BPIFC: variants seen among roughly 807,000 people sequenced by gnomAD.
BPIFC encodes the protein BPI fold containing family C, also known as BPI fold-containing family C protein.
BPIFC carries 60 observed loss-of-function variants against 57.6 expected under a neutral mutation model. The ratio of observed to expected loss-of-function variants is 1.04; its 90% confidence interval spans 0.85 to 1.29. The LOEUF (loss-of-function observed/expected upper bound fraction) is 1.29. BPIFC is among the 50% of genes most tolerant of loss of function. The pLI is 0.00. For synonymous variants in BPIFC, 243 were observed against 224.5 expected (o/e 1.08, Z -0.74); for missense variants, 581 against 600.5 (o/e 0.97, Z 0.34).
intron 2 of BPIFC, among the ~76,000 whole-genome samples, chr22:32,457,990 T>C (rs77051848): frequency 6.6e-6 from 1 of 152,324 alleles, no homozygotes; most frequent in African/African-American, 2.4e-5. Context: ...GCTTCGGCCA[T>C]TGCTCCTTTC....
chr22:32,461,691 A>G (rs1935163111), intron 1 of BPIFC, 30 bp from the exon 2 acceptor site: 1 of 971,030 alleles, frequency 1.0e-6, no homozygotes, highest in Non-Finnish European at 1.2e-6. Context: ...GAGATGAACT[A>G]TGGGAGTGAG....
intron 8 of BPIFC, among the ~76,000 whole-genome samples, chr22:32,440,801 A>G (rs183255903): frequency 2.4e-4 from 37 of 152,128 alleles, no homozygotes; most frequent in African/African-American, 8.0e-4. Flanking sequence ...ATGCCTTACC[A>G]TCTTCATCAC....
intron 13 of BPIFC, 57 bp downstream of exon 13, chr22:32,431,290 G>A: frequency 7.1e-7 from 1 of 1,415,626 alleles, no homozygotes; most frequent in East Asian, 2.3e-5. Context: ...CTTTGTCTCT[G>A]ATCAGTTGAC....
At position 32,448,164 on chromosome 22, in the gene BPIFC, G is replaced by A. The variant is rs552083924; in HGVS notation, c.246-824C>T. ...GCTCACTGCAATCTCCGCCTCCTGG[G>A]TTCAAGGGATTCTCCTGCCTCAGCC... On this transcript the variant is annotated intron_variant, in intron 4 of 16. Coordinates refer to ENST00000300399, the MANE Select transcript of BPIFC (RefSeq NM_174932.3). Among the ~76,000 whole-genome samples, 431 of 151,928 alleles carry A rather than the reference G, an allele frequency of 2.8e-3. 4 individuals are homozygous for A. Among genetic ancestry groups the A allele is most frequent in the African/African-American group, 9.6e-3 (396 of 41,430 alleles).
intron 4 of BPIFC, among the ~76,000 whole-genome samples, chr22:32,448,332 C>T (rs1393918282): frequency 1.3e-5 from 2 of 152,094 alleles, no homozygotes; most frequent in Admixed American, 6.5e-5. Context: ...CTCGGCCTCC[C>T]AAAGTGCTGG....
At chr22:32,446,060 T>C (rs1301667686) in intron 5 of BPIFC, 64 bp from the exon 6 acceptor site, 1 of 1,574,230 alleles carries the variant, frequency 6.4e-7, no homozygotes, top group East Asian at 2.2e-5. Context: ...CTTGTTTCTC[T>C]GATTACCCAG....
chr22:32,453,330 A>T, intron 4 of BPIFC, 53 bp downstream of exon 4: 2 of 1,297,756 alleles, frequency 1.5e-6, no homozygotes, highest in Non-Finnish European at 2.1e-6. Flanking sequence ...GAATTCCTCC[A>T]CTGTTTCCTT....
intron 2 of BPIFC, among the ~76,000 whole-genome samples, chr22:32,460,470 G>T (rs949635296): frequency 3.3e-5 from 5 of 152,168 alleles, no homozygotes; most frequent in Non-Finnish European, 5.9e-5. Flanking sequence ...CTGTCTGTGG[G>T]TAAGTTCATC....
At chr22:32,424,664 T>C (rs1226532027) in intron 13 of BPIFC, among the ~76,000 whole-genome samples, 8 of 70,342 alleles carry the variant, frequency 1.1e-4, no homozygotes, top group South Asian at 5.3e-4. Context: ...TTCTTCTTCT[T>C]CTTCTTCTTC....
chr22:32,447,426 C>G, intron 4 of BPIFC, 86 bp from the exon 5 acceptor site: 1 of 1,492,626 alleles, frequency 6.7e-7, no homozygotes, highest in South Asian at 1.3e-5. Flanking sequence ...TTGCAGAGCT[C>G]TTACCATTGA....
rs920172297 is a variant in BPIFC at position 32,442,749 on chromosome 22, A to C, written c.595-18T>G. ...GGACAGAGCTGGCCACAAAGGAATA[A>C]AAAGAAAAAAGCAAGTTACCATGTT... On this transcript the variant is annotated intron_variant, in intron 7 of 16. Transcript: ENST00000300399. 6.2e-7 allele frequency: 1 copy of C among 1,610,998 alleles called. No individual in the cohort carries two copies. Among genetic ancestry groups the C allele is most frequent in the African/African-American group, 1.3e-5 (1 of 74,874 alleles).
At chr22:32,462,285 T>C (rs1935184746) in intron 1 of BPIFC, among the ~76,000 whole-genome samples, 1 of 151,960 alleles carries the variant, frequency 6.6e-6, no homozygotes. Flanking sequence ...CTGTACCTAT[T>C]AGACTGTGTG....
At position 32,424,684 on chromosome 22, in the gene BPIFC, TTCTTCTTCC is replaced by T. The variant is rs1354712858; in HGVS notation, c.1218-5289_1218-5281del. ...CTTCTTCTTCTTCTTCTTCTTCTTCTTCTTCTTCCTCTTCTTCTTCCTCTTCTTCTTCCT... is the reference window on the plus strand; with the variant it reads ...CTTCTTCTTCTTCTTCTTCTTCTTCTTCTTCTTCTTCCTCTTCTTCTTCCT... On this transcript the variant is annotated intron_variant, in intron 13 of 16. Transcript: ENST00000300399. Among the ~76,000 whole-genome samples, 302 of 91,632 alleles carry T rather than the reference TTCTTCTTCC, an allele frequency of 3.3e-3. 7 individuals are homozygous for T. The highest frequency in any genetic ancestry group is 3.9e-3 in the Non-Finnish European group (196 of 50,704). 60.1% of individuals were successfully genotyped at this position (91,632 alleles called of 152,430 possible). A position where few individuals can be genotyped will look rare whatever the true frequency, so the allele number is the denominator to read the frequency against.
intron 13 of BPIFC, among the ~76,000 whole-genome samples, chr22:32,426,045 C>T (rs964247485): frequency 2.0e-5 from 3 of 152,182 alleles, no homozygotes; most frequent in African/African-American, 4.8e-5. Flanking sequence ...AGCCTGTGAT[C>T]CTACAGTCTG....
At chr22:32,453,117 G>C (rs1264579833) in intron 4 of BPIFC, among the ~76,000 whole-genome samples, 1 of 152,158 alleles carries the variant, frequency 6.6e-6, no homozygotes, top group African/African-American at 2.4e-5. Context: ...CATTAAAAAA[G>C]AAGACTGACT....
chr22:32,446,829 G>C, intron 5 of BPIFC: 2 of 983,728 alleles, frequency 2.0e-6, no homozygotes, highest in Non-Finnish European at 2.4e-6. Context: ...GTGTGAGGGA[G>C]AAAGACTCCA....
chr22:32,428,969 A>G (rs2145924741), intron 13 of BPIFC, among the ~76,000 whole-genome samples: 1 of 152,286 alleles, frequency 6.6e-6, no homozygotes, highest in East Asian at 1.9e-4. Context: ...TAATGAAAAA[A>G]GAACCCTCTC....
chr22:32,444,637 C>T (rs771267658), intron 7 of BPIFC, among the ~76,000 whole-genome samples: 1 of 152,192 alleles, frequency 6.6e-6, no homozygotes, highest in Non-Finnish European at 1.5e-5. Flanking sequence ...AGACTAGAAG[C>T]CTTATAGCTT....
Position 32,417,075 on chromosome 22 carries a change from A to G in BPIFC, c.1324+10T>C. ...TGTTACAGTCACATTGTTTTCCAAT[A>G]ATCCCTTACCATTGGCCAGTGGGAG... On this transcript the variant is annotated intron_variant, in intron 15 of 16. Coordinates refer to ENST00000300399, the MANE Select transcript of BPIFC (RefSeq NM_174932.3). 1 of 1,585,058 alleles carries G rather than the reference A, an allele frequency of 6.3e-7. No homozygotes were observed. Among genetic ancestry groups the G allele is most frequent in the Non-Finnish European group, 8.7e-7 (1 of 1,153,570 alleles).
Sources: allele counts gnomAD v4.1 joint callset (sites outside exome capture counted in the v4.1 genomes callset), GRCh38; gene constraint gnomAD v4.1.1; transcripts MANE v1.5; gene names NCBI Gene and HGNC (gene_info 2026-07-23, HGNC 2026-07-21).